The following TBCK variants were observed in gnomAD, a reference collection of about 807,000 sequenced individuals.
The protein encoded by TBCK is TBC domain-containing protein kinase-like protein.
A neutral mutation model predicts 113.4 loss-of-function variants in TBCK; 99 were observed. That is an observed-to-expected ratio of 0.87 (90% CI 0.74 to 1.03). The LOEUF (loss-of-function observed/expected upper bound fraction) is 1.03. Among genes scored for constraint, TBCK ranks in the 50% least tolerant of loss-of-function variants. The pLI is 0.00. For synonymous variants in TBCK, 369 were observed against 370.8 expected, an observed-to-expected ratio of 1.00 and a Z score of 0.05; for missense variants, 1,045 against 1,061.3, an observed-to-expected ratio of 0.98 and a Z score of 0.21.
At chr4:106,069,914 T>C (rs1578802492) in intron 25 of TBCK, among the ~76,000 whole-genome samples, 1 of 152,234 alleles carries the variant, frequency 6.6e-6, no homozygotes, top group Non-Finnish European at 1.5e-5. Context: ...CAGTTGTGAA[T>C]GGGAGTTCAC....
chr4:106,256,335 G>A (rs1250277308), intron 5 of TBCK, among the ~76,000 whole-genome samples: 1 of 152,172 alleles, frequency 6.6e-6, no homozygotes, highest in Admixed American at 6.5e-5. Flanking sequence ...CTGCCCGCCA[G>A]CACTGAGCTG....
chr4:106,120,355 A>C (rs1744154573), intron 23 of TBCK, among the ~76,000 whole-genome samples: 1 of 152,052 alleles, frequency 6.6e-6, no homozygotes, highest in South Asian at 2.1e-4. Flanking sequence ...CAGCAGTCTG[A>C]GATCAAACTG....
intron 23 of TBCK, among the ~76,000 whole-genome samples, chr4:106,148,157 C>A (rs930365385): frequency 6.6e-6 from 1 of 152,238 alleles, no homozygotes; most frequent in Non-Finnish European, 1.5e-5. Flanking sequence ...GTGCCCGAAA[C>A]TTCATTAGCA....
chr4:106,223,927 A>C (rs907762486), intron 19 of TBCK, among the ~76,000 whole-genome samples: 5 of 152,246 alleles, frequency 3.3e-5, no homozygotes, highest in African/African-American at 1.2e-4. Context: ...AAGATTCTGA[A>C]CCTTAGAATA....
At chr4:106,313,850 G>A (rs2125908521) in intron 1 of TBCK, among the ~76,000 whole-genome samples, 1 of 152,284 alleles carries the variant, frequency 6.6e-6, no homozygotes, top group East Asian at 1.9e-4. Flanking sequence ...AGTGGGGACG[G>A]TTAAAAACTA....
intron 25 of TBCK, among the ~76,000 whole-genome samples, chr4:106,070,974 G>A (rs1317516516): frequency 1.3e-5 from 2 of 151,560 alleles, no homozygotes; most frequent in African/African-American, 4.8e-5. Context: ...GTATTTCTGT[G>A]GGATCGGTGG....
chr4:106,171,051 C>A (rs765297315), intron 23 of TBCK, 44 bp downstream of exon 23: 2 of 1,477,604 alleles, frequency 1.4e-6, no homozygotes, highest in East Asian at 2.4e-5. Context: ...ATTTTAACAT[C>A]CATCTCCTTT....
In TBCK at chr4:106,041,898, T is replaced by C. The variant is rs1005361141; in HGVS notation, c.*4672A>G. The stretch of plus-strand genomic sequence containing the variant: ...AGAAAAGATATAAATACATGTGACT[T>C]TATAAAATATGGCTAACTTTTAAAA... On this transcript the variant is annotated 3_prime_UTR_variant, in exon 26 of 26. Transcript: ENST00000394708. The C allele has an allele frequency of 5.3e-5, 8 of 152,332 alleles. No individual in the cohort carries two copies. Among genetic ancestry groups the C allele is most frequent in the African/African-American group, 1.9e-4 (8 of 41,576 alleles). The allele number at this position is 152,332 out of a possible 1,614,324, so 9.4% of individuals were successfully genotyped here. A position where few individuals can be genotyped will look rare whatever the true frequency, so the allele number is the denominator to read the frequency against.
At chr4:106,258,983 G>A (rs1435250702) in intron 5 of TBCK, among the ~76,000 whole-genome samples, 2 of 151,870 alleles carry the variant, frequency 1.3e-5, no homozygotes, top group Non-Finnish European at 2.9e-5. Flanking sequence ...AAAACTGTAA[G>A]ACTACGAATT....
chr4:106,223,567 C>A (rs968705009), intron 19 of TBCK, among the ~76,000 whole-genome samples: 3 of 152,090 alleles, frequency 2.0e-5, no homozygotes, highest in Non-Finnish European at 2.9e-5. Context: ...CAGTGAAGAA[C>A]ATACGATTCT....
intron 23 of TBCK, among the ~76,000 whole-genome samples, chr4:106,127,594 C>A (rs1745379735): frequency 6.6e-6 from 1 of 151,678 alleles, no homozygotes; most frequent in Non-Finnish European, 1.5e-5. Context: ...TAGTAGAAAA[C>A]CTCAGAAAAC....
chr4:106,274,962 T>G (rs1202970508), intron 3 of TBCK, among the ~76,000 whole-genome samples: 1 of 152,044 alleles, frequency 6.6e-6, no homozygotes, highest in Non-Finnish European at 1.5e-5. Context: ...CAAGAGCCCA[T>G]CTATACCAAA....
intron 3 of TBCK, among the ~76,000 whole-genome samples, chr4:106,269,453 T>C (rs548474752): frequency 1.6e-4 from 25 of 152,154 alleles, no homozygotes; most frequent in African/African-American, 5.5e-4. Flanking sequence ...AATACCACAA[T>C]ATTTAACAGA....
chr4:106,172,663 G>A (rs1294981995), intron 22 of TBCK, among the ~76,000 whole-genome samples: 1 of 152,010 alleles, frequency 6.6e-6, no homozygotes, highest in Non-Finnish European at 1.5e-5. Context: ...AAAGGAAATA[G>A]GCATTAAGTA....
At chr4:106,239,586 T>TAAAGA (rs1341226109) in intron 12 of TBCK, among the ~76,000 whole-genome samples, 20 of 151,862 alleles carry the variant, frequency 1.3e-4, no homozygotes. Flanking sequence ...GCAGAGAATG[T>TAAAGA]AAAGAAAAGA....
At chr4:106,182,714 A>C (rs1234864819) in intron 22 of TBCK, 1 of 150,600 alleles carries the variant, frequency 6.6e-6, no homozygotes, top group East Asian at 1.9e-4. Flanking sequence ...ATCACTGTAG[A>C]AGAAGACTGA....
At chr4:106,114,716 G>T (rs141595844) in intron 24 of TBCK, among the ~76,000 whole-genome samples, 1 of 152,232 alleles carries the variant, frequency 6.6e-6, no homozygotes, top group East Asian at 1.9e-4. Flanking sequence ...TTAAAATAGG[G>T]TGTTATAATG....
chr4:106,292,367 C>T (rs564290034), intron 3 of TBCK, among the ~76,000 whole-genome samples: 33 of 151,954 alleles, frequency 2.2e-4, no homozygotes, highest in Non-Finnish European at 4.1e-4. Context: ...GTCAGGAGAT[C>T]GAGATCATCC....
At chr4:106,229,561 G>C (rs1758623844) in intron 19 of TBCK, among the ~76,000 whole-genome samples, 1 of 151,924 alleles carries the variant, frequency 6.6e-6, no homozygotes, top group South Asian at 2.1e-4. Context: ...TAAGTGTATA[G>C]ATTTGCTTCT....
Sources: gnomAD v4.1 joint callset for allele counts (sites outside exome capture counted in the v4.1 genomes callset) on GRCh38, gnomAD v4.1.1 for gene constraint, MANE v1.5 for transcripts, NCBI Gene and HGNC (gene_info 2026-07-23, HGNC 2026-07-21) for gene names.